The following CDV3 variants were observed in gnomAD, a reference collection of about 807,000 sequenced individuals.
CDV3 encodes the protein CDV3 homolog.
A neutral mutation model predicts 24.5 loss-of-function variants in CDV3; 14 were observed. The ratio of observed to expected loss-of-function variants is 0.57; its 90% confidence interval spans 0.38 to 0.89. CDV3 has a LOEUF of 0.89. Ranked by LOEUF, CDV3 falls within the 40% of genes least tolerant of loss-of-function variation. CDV3 has a pLI of 0.00. For missense variants in CDV3, 304 were observed against 310.2 expected (o/e 0.98, Z 0.15); for synonymous variants, 114 against 114.1 (o/e 1.00, Z 0.00).
chr3:133,577,135 A>G (rs9857351), intron 2 of CDV3, among the ~76,000 whole-genome samples: 19,880 of 151,224 alleles, frequency 0.13, 1,813 homozygotes, highest in African/African-American at 0.27. Context: ...TGTGAGCCAC[A>G]GCACCCGGCC....
At chr3:133,579,240 C>T (rs1385551789) in intron 2 of CDV3, among the ~76,000 whole-genome samples, 4 of 152,144 alleles carry the variant, frequency 2.6e-5, no homozygotes, top group Non-Finnish European at 4.4e-5. Context: ...CCTCACCTTA[C>T]CAGTAGTGCC....
chr3:133,582,625 A>G (rs199680709), intron 2 of CDV3, among the ~76,000 whole-genome samples: 2 of 152,208 alleles, frequency 1.3e-5, no homozygotes, highest in African/African-American at 4.8e-5. Flanking sequence ...AGAGGCTGTG[A>G]TGTTCCTAAG....
At chr3:133,574,437 C>T (rs2074722555) in intron 1 of CDV3, 153 bp downstream of exon 1, 1 of 985,486 alleles carries the variant, frequency 1.0e-6, no homozygotes, top group Non-Finnish European at 1.2e-6. Context: ...CCACCTCGGG[C>T]TGGGCTCGCC....
At chr3:133,578,226 G>T (rs1054083104) in intron 2 of CDV3, among the ~76,000 whole-genome samples, 1 of 152,212 alleles carries the variant, frequency 6.6e-6, no homozygotes, top group East Asian at 1.9e-4. Flanking sequence ...GGCCGCAAGT[G>T]ATCTCAAAGC....
chr3:133,581,747 A>AAT (rs1235694183), intron 2 of CDV3, among the ~76,000 whole-genome samples: 1 of 152,212 alleles, frequency 6.6e-6, no homozygotes, highest in Non-Finnish European at 1.5e-5. Flanking sequence ...GCTACTCTAT[A>AAT]AAACTTTTTA....
chr3:133,578,089 A>C (rs773567902), intron 2 of CDV3, among the ~76,000 whole-genome samples: 1 of 152,058 alleles, frequency 6.6e-6, no homozygotes, highest in Non-Finnish European at 1.5e-5. Flanking sequence ...TCCTGGGCTC[A>C]AGTGATCCTC....
At position 133,588,558 on chromosome 3, in the gene CDV3, A is replaced by AT. The variant is rs1933836639; in HGVS notation, c.*512_*513insT. On this transcript the variant is annotated 3_prime_UTR_variant, in exon 5 of 5. Coordinates refer to ENST00000264993, the MANE Select transcript of CDV3 (RefSeq NM_017548.5). ...ATCTGCTGTAAAAGATGAAGATTTAAGTGACCTTAATTAACCTGTCCTGTG... is the reference window on the plus strand; with the variant it reads ...ATCTGCTGTAAAAGATGAAGATTTAATGTGACCTTAATTAACCTGTCCTGTG... 1.6e-6 allele frequency: 1 copy of AT among 630,162 alleles called. No homozygotes were observed. Among genetic ancestry groups the AT allele is most frequent in the Non-Finnish European group, 2.8e-6 (1 of 360,552 alleles). 39.0% of individuals were successfully genotyped at this position (630,162 alleles called of 1,614,324 possible).
intron 3 of CDV3, 65 bp from the exon 4 acceptor site, chr3:133,586,498 A>G (rs1933614588): frequency 2.4e-6 from 2 of 831,862 alleles, no homozygotes; most frequent in Non-Finnish European, 2.0e-6. Flanking sequence ...TTGGGAATGC[A>G]AGAATAGCTT....
chr3:133,579,745 A>G (rs2074946285), intron 2 of CDV3, among the ~76,000 whole-genome samples: 1 of 152,062 alleles, frequency 6.6e-6, no homozygotes, highest in African/African-American at 2.4e-5. Context: ...GGCATGTGCC[A>G]CCACGCCTAG....
intron 2 of CDV3, among the ~76,000 whole-genome samples, chr3:133,576,115 ATAT>A (rs2074796232): frequency 6.6e-6 from 1 of 152,244 alleles, no homozygotes; most frequent in South Asian, 2.1e-4. Flanking sequence ...AGCAGGGTTA[ATAT>A]TATTGACATT....
chr3:133,587,909 G>A lies in CDV3; in HGVS notation c.640G>A (p.Glu214Lys). Residue 214 changes from glutamate to lysine, a missense_variant, in exon 5 of 5, where the codon GAG (glutamate) becomes AAG (lysine). By Grantham distance (56) the Glu-to-Lys change is moderately conservative. Coordinates refer to ENST00000264993, the MANE Select transcript of CDV3 (RefSeq NM_017548.5). ...HVESRKDKEM[E>K]KSFEVVRHKN... ...CTTTTCCCTTAGGGATAAAGAAATG[G>A]AGAAGAGCTTTGAAGTAGTAAGACA... is the stretch of plus-strand genomic sequence containing the variant. 1 of 1,608,406 alleles carries A rather than the reference G, an allele frequency of 6.2e-7. No homozygotes were observed. The highest frequency in any genetic ancestry group is 8.5e-7 in the Non-Finnish European group (1 of 1,176,912).
chr3:133,582,478 G>A (rs748717546), intron 2 of CDV3, among the ~76,000 whole-genome samples: 9 of 152,232 alleles, frequency 5.9e-5, no homozygotes, highest in Non-Finnish European at 8.8e-5. Context: ...ATGGCATTTT[G>A]CCACTTACTT....
Position 133,590,170 on chromosome 3 carries a change from C to G in CDV3, c.*2124C>G, listed in dbSNP as rs1274983073. ...CTGTATGATGGGTGGATGAGGCTGT[C>G]CATTGTACCATTTGTTTGAATTCTC... On this transcript the variant is annotated 3_prime_UTR_variant, in exon 5 of 5. Transcript: ENST00000264993. 4 of 152,148 alleles carry G rather than the reference C, an allele frequency of 2.6e-5. No individual in the cohort carries two copies. The highest frequency in any genetic ancestry group is 6.5e-5 in the Admixed American group (1 of 15,268). The allele number at this position is 152,148 out of a possible 1,614,324, so 9.4% of individuals were successfully genotyped here.
At chr3:133,574,638 A>G in intron 1 of CDV3, 1 of 1,027,350 alleles carries the variant, frequency 9.7e-7, no homozygotes, top group Non-Finnish European at 1.2e-6. Flanking sequence ...TCAGCCCAGT[A>G]GTTTGAGCTG....
chr3:133,587,965 A>T lies in CDV3; in HGVS notation c.696A>T (p.Lys232Asn), dbSNP rs1553718155. The T allele has an allele frequency of 5.0e-6, 8 of 1,614,058 alleles. No homozygotes were observed. Among genetic ancestry groups the T allele is most frequent in the Non-Finnish European group, 6.8e-6 (8 of 1,180,010 alleles). Residue 232 changes from lysine to asparagine, a missense_variant, in exon 5 of 5, where the codon AAA becomes AAT. Transcript: ENST00000264993. The part of the protein sequence containing the change: ...HKNRGRDEVS[K>N]NQALKLQLDN... ...ATAGAGGTAGGGATGAGGTTTCAAAAAACCAGGCCCTTAAACTTCAGCTAG... is the reference window on the plus strand; with the variant it reads ...ATAGAGGTAGGGATGAGGTTTCAAATAACCAGGCCCTTAAACTTCAGCTAG...
chr3:133,583,044 C>G (rs1329592097), intron 2 of CDV3, among the ~76,000 whole-genome samples: 3 of 152,154 alleles, frequency 2.0e-5, no homozygotes, highest in Non-Finnish European at 2.9e-5. Flanking sequence ...CAAGTCAATT[C>G]AAGAATAAAT....
intron 3 of CDV3, 107 bp downstream of exon 3, chr3:133,584,257 C>A: frequency 1.3e-6 from 1 of 768,108 alleles, no homozygotes; most frequent in Non-Finnish European, 2.1e-6. Flanking sequence ...GGAGGAGAGG[C>A]TCCTTTCCAT....
chr3:133,575,071 A>G lies in CDV3; in HGVS notation c.273A>G (p.Lys91=), dbSNP rs1280568662. 4 of 1,607,096 alleles carry G rather than the reference A, an allele frequency of 2.5e-6. No homozygotes were observed. The highest frequency in any genetic ancestry group is 3.4e-6 in the Non-Finnish European group (4 of 1,173,616). Residue 91 remains lysine, a synonymous_variant, in exon 2 of 5, where the codon AAA becomes AAG. Transcript: ENST00000264993. Reference sequence around the variant, plus strand: ...ATGAATGGAAAGAATTGGAGCAAAAAGAGGTTGATTACAGCGGCCTCAGGG... The same window carrying G: ...ATGAATGGAAAGAATTGGAGCAAAAGGAGGTTGATTACAGCGGCCTCAGGG... ...DEDEWKELEQ[K]EVDYSGLRVQ... is the part of the protein sequence containing the mutation.
Position 133,587,978 on chromosome 3 carries a change from A to C in CDV3, c.709A>C (p.Lys237Gln), listed in dbSNP as rs369849075. 1.9e-6 allele frequency: 3 copies of C among 1,614,074 alleles called. No homozygotes were observed. The highest frequency in any genetic ancestry group is 2.5e-6 in the Non-Finnish European group (3 of 1,180,010). The change falls in exon 5 of 5, where the codon AAA (lysine) becomes CAA (glutamine). Residue 237 changes from lysine (K) to glutamine (Q), a missense_variant. Lys to Gln is a moderately conservative substitution (Grantham distance 53). Transcript: ENST00000264993. ...RDEVSKNQALKLQLDNQYAVL... is the reference protein window; with the variant it reads ...RDEVSKNQALQLQLDNQYAVL... ...TGAGGTTTCAAAAAACCAGGCCCTT[A>C]AACTTCAGCTAGACAACCAATATGC... is the stretch of plus-strand genomic sequence containing the variant.
Sources: gnomAD v4.1 joint callset for allele counts (sites outside exome capture counted in the v4.1 genomes callset) on GRCh38, gnomAD v4.1.1 for gene constraint, MANE v1.5 for transcripts, NCBI Gene and HGNC (gene_info 2026-07-23, HGNC 2026-07-21) for gene names.